Variants in AGBL4 observed in about 807,000 individuals in gnomAD.
AGBL4 encodes AGBL carboxypeptidase 4.
A neutral mutation model predicts 66.4 loss-of-function variants in AGBL4; 58 were observed. The ratio of observed to expected loss-of-function variants is 0.87; its 90% confidence interval spans 0.71 to 1.09. The LOEUF (loss-of-function observed/expected upper bound fraction) is 1.09, where lower values mean the gene tolerates loss of function less well. Among genes scored for constraint, AGBL4 ranks in the 50% least tolerant of loss-of-function variants. AGBL4 has a pLI of 0.00. For missense variants in AGBL4, 579 were observed against 631.0 expected, an observed-to-expected ratio of 0.92 and a Z score of 0.88; for synonymous variants, 234 against 222.9, an observed-to-expected ratio of 1.05 and a Z score of -0.44.
intron 6 of AGBL4, chr1:48,818,072 C>A (rs570525227): frequency 1.3e-4 from 93 of 715,332 alleles, no homozygotes; most frequent in Non-Finnish European, 2.4e-4. Context: ...GAAAGGCCAC[C>A]ATTCTCCTTC....
chr1:49,722,496 A>C (rs1219593967), intron 2 of AGBL4, among the ~76,000 whole-genome samples: 1 of 152,162 alleles, frequency 6.6e-6, no homozygotes, highest in African/African-American at 2.4e-5. Context: ...AGAGCTATTA[A>C]CCAGCAATTA....
At chr1:49,078,484 T>C (rs1644750840) in intron 4 of AGBL4, among the ~76,000 whole-genome samples, 1 of 152,158 alleles carries the variant, frequency 6.6e-6, no homozygotes, top group African/African-American at 2.4e-5. Context: ...AGAAACCTAG[T>C]AGTCATCCTT....
At chr1:49,828,720 G>C (rs1645575146) in intron 2 of AGBL4, among the ~76,000 whole-genome samples, 1 of 152,162 alleles carries the variant, frequency 6.6e-6, no homozygotes. Flanking sequence ...GAATATTTAA[G>C]AATATTTCTG....
intron 3 of AGBL4, among the ~76,000 whole-genome samples, chr1:49,549,125 G>A (rs1652745741): frequency 6.6e-6 from 1 of 151,744 alleles, no homozygotes; most frequent in African/African-American, 2.4e-5. Flanking sequence ...GTATTTCAGT[G>A]GTGCCAGTTG....
chr1:49,887,760 AAAATGACAGATATCTG>A (rs1189007015), intron 1 of AGBL4, among the ~76,000 whole-genome samples: 1 of 152,142 alleles, frequency 6.6e-6, no homozygotes, highest in Non-Finnish European at 1.5e-5. Flanking sequence ...AGTGGAGGTG[AAAATGACAGATATCTG>A]CATGGCGTAC....
rs368384447 is a variant in AGBL4, at chr1:49,496,375, T to C, written c.282+200938A>G. Among the ~76,000 whole-genome samples, 88 of 152,184 alleles carry C rather than the reference T, an allele frequency of 5.8e-4. No homozygotes were observed. The South Asian group carries it at 0.011, about 18-fold the overall frequency. ...CATACAAAGCCTCACGTACTTATTT[T>C]TGTGGTGAGAACACTTAAAATCTAC... is the stretch of plus-strand genomic sequence containing the variant. On this transcript the variant is annotated intron_variant, in intron 3 of 13. Transcript: ENST00000371839.
chr1:49,736,337 C>A (rs1484627628), intron 2 of AGBL4, among the ~76,000 whole-genome samples: 1 of 151,550 alleles, frequency 6.6e-6, no homozygotes, highest in Non-Finnish European at 1.5e-5. Context: ...CCTCTAATTT[C>A]TTTTCTTTTT....
At chr1:49,148,936 C>G (rs951041886) in intron 4 of AGBL4, among the ~76,000 whole-genome samples, 1 of 152,154 alleles carries the variant, frequency 6.6e-6, no homozygotes, top group Non-Finnish European at 1.5e-5. Flanking sequence ...GATTGGGCCA[C>G]CAGAATGGTG....
intron 4 of AGBL4, among the ~76,000 whole-genome samples, chr1:49,213,921 C>T (rs1332146095): frequency 6.6e-6 from 1 of 152,104 alleles, no homozygotes; most frequent in Admixed American, 6.6e-5. Flanking sequence ...CAGACAGTTC[C>T]TGTGGCCCCC....
At position 48,987,408 on chromosome 1, in the gene AGBL4, T is replaced by C. The variant is rs576158689; in HGVS notation, c.594+58176A>G. On this transcript the variant is annotated intron_variant, in intron 5 of 13. Transcript: ENST00000371839. The stretch of plus-strand genomic sequence containing the variant: ...AAGTAGACTTTAGAGCAAAGAATAT[T>C]ACCAGGGATAAAGAGAGTAATTTCA... 1.7e-3 allele frequency among the ~76,000 whole-genome samples: 266 copies of C among 152,134 alleles called. 1 individual carries two copies. Among genetic ancestry groups the C allele is most frequent in the Non-Finnish European group, 2.7e-3 (181 of 67,924 alleles).
In AGBL4 at chr1:49,387,444, T is replaced by TA. The variant is rs139469502; in HGVS notation, c.283-141581dup. The stretch of plus-strand genomic sequence containing the variant: ...ATTTTACAGTTAACATTAGATGATT[T>TA]AAAAAAAAAACAGACCGGGAAATGA... On this transcript the variant is annotated intron_variant, in intron 3 of 13. Coordinates refer to ENST00000371839, the MANE Select transcript of AGBL4 (RefSeq NM_032785.4). 2.5e-3 allele frequency among the ~76,000 whole-genome samples: 375 copies of TA among 148,118 alleles called. 2 individuals carry two copies. Among genetic ancestry groups the TA allele is most frequent in the African/African-American group, 7.4e-3 (298 of 40,512 alleles).
At chr1:49,687,959 T>C (rs1333954315) in intron 3 of AGBL4, among the ~76,000 whole-genome samples, 1 of 152,130 alleles carries the variant, frequency 6.6e-6, no homozygotes, top group Admixed American at 6.5e-5. Context: ...AGTGGGTATA[T>C]ATGTTTATAA....
intron 8 of AGBL4, among the ~76,000 whole-genome samples, chr1:48,649,550 C>G (rs890161210): frequency 6.6e-6 from 1 of 152,146 alleles, no homozygotes; most frequent in Non-Finnish European, 1.5e-5. Context: ...GTATCATATA[C>G]AGTAGTCTAG....
chr1:48,749,075 G>A (rs1189782454), intron 6 of AGBL4, among the ~76,000 whole-genome samples: 1 of 152,012 alleles, frequency 6.6e-6, no homozygotes, highest in Non-Finnish European at 1.5e-5. Flanking sequence ...GAAGAAAGAG[G>A]TGAAAAAAGC....
At chr1:48,956,324 G>A (rs912937754) in intron 5 of AGBL4, among the ~76,000 whole-genome samples, 6 of 152,164 alleles carry the variant, frequency 3.9e-5, no homozygotes, top group African/African-American at 1.4e-4. Context: ...GACAGAAGCC[G>A]TAAATCTTAA....
At chr1:48,747,125 C>T (rs1650892280) in intron 6 of AGBL4, among the ~76,000 whole-genome samples, 1 of 152,218 alleles carries the variant, frequency 6.6e-6, no homozygotes, top group Non-Finnish European at 1.5e-5. Context: ...CCCTCAAACA[C>T]ATGTGACCAA....
chr1:48,566,860 G>C (rs1353433536), intron 11 of AGBL4, among the ~76,000 whole-genome samples: 7 of 152,212 alleles, frequency 4.6e-5, no homozygotes, highest in Admixed American at 1.3e-4. Context: ...TAGGTGTGGT[G>C]GCTAATGCAT....
At chr1:49,258,053 G>C (rs1020869598) in intron 3 of AGBL4, among the ~76,000 whole-genome samples, 4 of 152,140 alleles carry the variant, frequency 2.6e-5, no homozygotes, top group Non-Finnish European at 5.9e-5. Context: ...AGGCAAACAG[G>C]GTCTGGAGTG....
chr1:48,944,888 A>G (rs568482714), intron 5 of AGBL4, among the ~76,000 whole-genome samples: 1 of 152,364 alleles, frequency 6.6e-6, no homozygotes, highest in East Asian at 1.9e-4. Flanking sequence ...CTTTATTTGT[A>G]TTACAGAATC....
Sources: allele counts gnomAD v4.1 joint callset (sites outside exome capture counted in the v4.1 genomes callset), GRCh38; gene constraint gnomAD v4.1.1; transcripts MANE v1.5; gene names NCBI Gene and HGNC (gene_info 2026-07-23, HGNC 2026-07-21).